Variants in PREX2 observed in about 807,000 individuals in gnomAD.
PREX2 encodes phosphatidylinositol-3,4,5-trisphosphate dependent Rac exchange factor 2.
PREX2 carries 107 observed loss-of-function variants against 203.2 expected under a neutral mutation model. That is an observed-to-expected ratio of 0.53 (90% CI 0.45 to 0.62). The LOEUF (loss-of-function observed/expected upper bound fraction) is 0.62. Ranked by LOEUF, PREX2 falls within the 20% of genes least tolerant of loss-of-function variation. The pLI is 0.00. For synonymous variants in PREX2, 672 were observed against 663.6 expected, an observed-to-expected ratio of 1.01 and a Z score of -0.19; for missense variants, 1,777 against 1,955.9, an observed-to-expected ratio of 0.91 and a Z score of 1.72.
chr8:68,087,686 C>T, intron 18 of PREX2, 38 bp from the exon 19 acceptor site: 4 of 1,438,454 alleles, frequency 2.8e-6, no homozygotes, highest in Non-Finnish European at 3.9e-6. Context: ...AGTTTTGATT[C>T]TTACGCTTCA....
At chr8:68,073,848 G>A (rs1336378825) in intron 14 of PREX2, among the ~76,000 whole-genome samples, 1 of 152,016 alleles carries the variant, frequency 6.6e-6, no homozygotes, top group Non-Finnish European at 1.5e-5. Context: ...AGCAAAAACT[G>A]ATGCTGAGTA....
chr8:68,106,326 C>A (rs986202692), intron 23 of PREX2: 1 of 513,700 alleles, frequency 1.9e-6, no homozygotes, highest in Non-Finnish European at 3.9e-6. Flanking sequence ...ACTCTATGTC[C>A]CATATAAGCC....
chr8:68,028,527 C>T (rs1245648963), intron 5 of PREX2, among the ~76,000 whole-genome samples: 2 of 152,046 alleles, frequency 1.3e-5, no homozygotes, highest in East Asian at 3.9e-4. Context: ...AATTGGGTAT[C>T]TGCGTAAATT....
chr8:68,183,279 T>C (rs542753494), intron 35 of PREX2, among the ~76,000 whole-genome samples: 1 of 152,284 alleles, frequency 6.6e-6, no homozygotes, highest in South Asian at 2.1e-4. Flanking sequence ...CATAGTGTCA[T>C]TGTAAGAATT....
At chr8:68,077,894 G>A (rs1809396917) in intron 15 of PREX2, among the ~76,000 whole-genome samples, 1 of 152,064 alleles carries the variant, frequency 6.6e-6, no homozygotes, top group Non-Finnish European at 1.5e-5. Context: ...TAAGAAAAAT[G>A]TTTTTAAAAT....
intron 1 of PREX2, among the ~76,000 whole-genome samples, chr8:68,000,283 A>T (rs955051429): frequency 9.9e-5 from 15 of 152,216 alleles, no homozygotes; most frequent in Non-Finnish European, 1.2e-4. Context: ...AAAAATTGTT[A>T]ACATGCCCAT....
chr8:68,195,397 G>A (rs956066332), intron 37 of PREX2, among the ~76,000 whole-genome samples: 1 of 152,100 alleles, frequency 6.6e-6, no homozygotes, highest in African/African-American at 2.4e-5. Flanking sequence ...GCCCCATAAC[G>A]GGCTGAATTT....
intron 4 of PREX2, 148 bp from the exon 5 acceptor site, chr8:68,027,072 TGA>T (rs1807740970): frequency 1.5e-6 from 1 of 649,784 alleles, no homozygotes; most frequent in Non-Finnish European, 2.7e-6. Flanking sequence ...TGTCTCTCTG[TGA>T]GTGTTTGTGA....
intron 35 of PREX2, among the ~76,000 whole-genome samples, chr8:68,161,149 C>T (rs1398739895): frequency 1.3e-5 from 2 of 151,522 alleles, no homozygotes. Flanking sequence ...GGCTAGAGTG[C>T]AATGGCATAG....
chr8:68,095,535 ATATGTGTGTGTGTGTGTGTGTGTATC>A (rs1810036286), intron 21 of PREX2, among the ~76,000 whole-genome samples: 1 of 141,936 alleles, frequency 7.0e-6, no homozygotes, highest in East Asian at 2.1e-4. Context: ...ATACATACAT[ATATGTGTGTGTGTGTGTGTGTGTATC>A]TATGTGTGTG....
intron 31 of PREX2, among the ~76,000 whole-genome samples, chr8:68,130,994 C>A (rs143697731): frequency 6.6e-6 from 1 of 152,328 alleles, no homozygotes; most frequent in African/African-American, 2.4e-5. Context: ...GCATGCAATG[C>A]ATCTGGAAGA....
At chr8:67,959,789 G>T (rs1563470733) in intron 1 of PREX2, among the ~76,000 whole-genome samples, 2 of 152,118 alleles carry the variant, frequency 1.3e-5, no homozygotes, top group Admixed American at 6.5e-5. Flanking sequence ...CATACCAGAG[G>T]CTCTCCCTCC....
chr8:68,224,097 C>A (rs1813009947), intron 38 of PREX2, among the ~76,000 whole-genome samples: 1 of 152,096 alleles, frequency 6.6e-6, no homozygotes, highest in Non-Finnish European at 1.5e-5. Flanking sequence ...TGGCTCACTG[C>A]AGCCTCAACC....
intron 1 of PREX2, among the ~76,000 whole-genome samples, chr8:67,979,453 C>A (rs1181134264): frequency 6.6e-6 from 1 of 152,122 alleles, no homozygotes; most frequent in African/African-American, 2.4e-5. Flanking sequence ...TAAGCCAGGT[C>A]TGATTATTTT....
intron 14 of PREX2, among the ~76,000 whole-genome samples, chr8:68,075,698 A>G (rs1279432812): frequency 1.3e-5 from 2 of 152,210 alleles, no homozygotes; most frequent in African/African-American, 4.8e-5. Context: ...TTGGCACAAT[A>G]TGTAGAAAAA....
At chr8:67,987,946 T>C (rs1408587709) in intron 1 of PREX2, among the ~76,000 whole-genome samples, 4 of 152,008 alleles carry the variant, frequency 2.6e-5, no homozygotes, top group Non-Finnish European at 1.5e-5. Flanking sequence ...TGAACACACA[T>C]GCAATACACG....
intron 23 of PREX2, among the ~76,000 whole-genome samples, chr8:68,106,589 G>A (rs374567166): frequency 7.9e-5 from 12 of 152,060 alleles, no homozygotes; most frequent in East Asian, 5.8e-4. Flanking sequence ...TTATACATGC[G>A]TATGTATATA....
intron 4 of PREX2, among the ~76,000 whole-genome samples, chr8:68,023,859 T>C (rs947873379): frequency 4.6e-5 from 7 of 152,108 alleles, no homozygotes; most frequent in Non-Finnish European, 1.0e-4. Flanking sequence ...ATTTGGTAAG[T>C]AGTTCTTTTG....
chr8:68,041,343 A>T (rs1273428297), intron 7 of PREX2, among the ~76,000 whole-genome samples: 1 of 152,166 alleles, frequency 6.6e-6, no homozygotes, highest in East Asian at 1.9e-4. Flanking sequence ...AGTTATCAAG[A>T]TGCCCAGAGC....
Sources: allele counts gnomAD v4.1 joint callset (sites outside exome capture counted in the v4.1 genomes callset), GRCh38; gene constraint gnomAD v4.1.1; transcripts MANE v1.5; gene names NCBI Gene and HGNC (gene_info 2026-07-23, HGNC 2026-07-21).